ERBB4: variants seen among roughly 807,000 people sequenced by gnomAD.
The protein encoded by ERBB4 is erb-b2 receptor tyrosine kinase 4, also known as receptor tyrosine-protein kinase erbB-4.
A neutral mutation model predicts 158.0 loss-of-function variants in ERBB4; 42 were observed. The observed-to-expected ratio is 0.27, with a 90% CI of 0.21 to 0.34. The LOEUF is 0.34. Ranked by LOEUF, ERBB4 falls within the 10% of genes least tolerant of loss-of-function variation. ERBB4 has a pLI of 1.00. For synonymous variants in ERBB4, 583 were observed against 558.7 expected, an observed-to-expected ratio of 1.04 and a Z score of -0.61; for missense variants, 1,333 against 1,624.1, an observed-to-expected ratio of 0.82 and a Z score of 3.08.
At chr2:212,271,887 G>T (rs779813519) in intron 1 of ERBB4, among the ~76,000 whole-genome samples, 2 of 151,758 alleles carry the variant, frequency 1.3e-5, no homozygotes, top group African/African-American at 4.8e-5. Context: ...TGCTCTAGAC[G>T]TTTAGCAAAG....
At chr2:212,287,281 C>T (rs186662409) in intron 1 of ERBB4, among the ~76,000 whole-genome samples, 2 of 152,246 alleles carry the variant, frequency 1.3e-5, no homozygotes, top group Admixed American at 6.5e-5. Flanking sequence ...ACCGGCAACA[C>T]CAGCCCCAGC....
At chr2:212,299,418 C>T (rs10932431) in intron 1 of ERBB4, among the ~76,000 whole-genome samples, 112,012 of 151,508 alleles carry the variant, frequency 0.74, 45,703 homozygotes, top group Non-Finnish European at 0.9. Context: ...ATATGTAATA[C>T]GAAAAAGTAT....
intron 1 of ERBB4, among the ~76,000 whole-genome samples, chr2:212,376,370 G>T (rs2090321897): frequency 6.6e-6 from 1 of 152,036 alleles, no homozygotes. Context: ...AGTTTTTTGG[G>T]ATGCTCAAGG....
At chr2:212,494,647 C>T (rs1022765673) in intron 1 of ERBB4, among the ~76,000 whole-genome samples, 47 of 151,984 alleles carry the variant, frequency 3.1e-4, no homozygotes, top group African/African-American at 1.1e-3. Context: ...CAATGTGATT[C>T]ACTAATGTAC....
rs761564133 is a variant in ERBB4 at position 211,465,496 on chromosome 2, G to C, written c.2488-34396C>G. Among the ~76,000 whole-genome samples, 30 of 152,208 alleles carry C rather than the reference G, an allele frequency of 2.0e-4. 1 individual carries two copies. Among genetic ancestry groups the C allele is most frequent in the South Asian group, 1.0e-3 (5 of 4,824 alleles). On this transcript the variant is annotated intron_variant, in intron 20 of 27. Coordinates refer to ENST00000342788, the MANE Select transcript of ERBB4 (RefSeq NM_005235.3). ...CAGGAATTCTGAACATTGTATGAAA[G>C]AGAGAAGATAATAGGGGAAGGAGGA... is the stretch of plus-strand genomic sequence containing the variant.
At chr2:211,909,534 T>C (rs2079487402) in intron 3 of ERBB4, among the ~76,000 whole-genome samples, 1 of 151,830 alleles carries the variant, frequency 6.6e-6, no homozygotes, top group African/African-American at 2.4e-5. Context: ...CTTAATACTA[T>C]AAACAATTAT....
At chr2:211,392,600 A>ACACACACACACACACC (rs564067126) in intron 25 of ERBB4, among the ~76,000 whole-genome samples, 1 of 133,536 alleles carries the variant, frequency 7.5e-6, no homozygotes, top group Admixed American at 7.6e-5. Context: ...ACACACACAC[A>ACACACACACACACACC]CCCCAATAAT....
intron 3 of ERBB4, among the ~76,000 whole-genome samples, chr2:211,814,739 A>G (rs1309412109): frequency 2.0e-5 from 3 of 152,226 alleles, no homozygotes; most frequent in Non-Finnish European, 2.9e-5. Context: ...ATAGGCTTTG[A>G]GTCAGAAATT....
chr2:211,913,560 C>T (rs1575365915), intron 3 of ERBB4, among the ~76,000 whole-genome samples: 3 of 151,760 alleles, frequency 2.0e-5, no homozygotes. Flanking sequence ...AAGACCATGG[C>T]ACTGCACTCC....
chr2:211,905,647 C>CATATATATATATAT (rs56758130), intron 3 of ERBB4, among the ~76,000 whole-genome samples: 31 of 71,448 alleles, frequency 4.3e-4, no homozygotes, highest in Non-Finnish European at 5.3e-4. Context: ...TAGGAAGGAT[C>CATATATATATATAT]ATATATATAT....
chr2:212,014,997 CCT>C, intron 2 of ERBB4, among the ~76,000 whole-genome samples: 1 of 136,170 alleles, frequency 7.3e-6, no homozygotes, highest in Non-Finnish European at 1.6e-5. Context: ...ACAAGACCAT[CCT>C]GGCTAACACG....
At chr2:212,438,289 T>C (rs925973964) in intron 1 of ERBB4, among the ~76,000 whole-genome samples, 2 of 152,140 alleles carry the variant, frequency 1.3e-5, no homozygotes, top group Non-Finnish European at 1.5e-5. Context: ...AGTAAGTTAT[T>C]ATCCACTTTC....
At chr2:212,389,462 T>C (rs1180134619) in intron 1 of ERBB4, among the ~76,000 whole-genome samples, 1 of 152,052 alleles carries the variant, frequency 6.6e-6, no homozygotes, top group Non-Finnish European at 1.5e-5. Flanking sequence ...CCTTATTTTC[T>C]TGTTGTGCTT....
chr2:212,472,416 C>T (rs573332242), intron 1 of ERBB4, among the ~76,000 whole-genome samples: 5 of 151,722 alleles, frequency 3.3e-5, no homozygotes, highest in African/African-American at 7.2e-5. Context: ...TCCAGATGTA[C>T]GTGGCTCTTA....
chr2:212,275,044 T>A (rs1374055920), intron 1 of ERBB4, among the ~76,000 whole-genome samples: 1 of 151,942 alleles, frequency 6.6e-6, no homozygotes, highest in Non-Finnish European at 1.5e-5. Flanking sequence ...GTTCCCTTGT[T>A]AGTTTGCTGA....
chr2:211,875,564 A>ATGTTTAG (rs1286484561), intron 3 of ERBB4, among the ~76,000 whole-genome samples: 6 of 152,194 alleles, frequency 3.9e-5, no homozygotes, highest in Non-Finnish European at 8.8e-5. Flanking sequence ...GATCTGAAAA[A>ATGTTTAG]TGTTTAGTGT....
At chr2:212,516,102 A>G (rs1028233408) in intron 1 of ERBB4, among the ~76,000 whole-genome samples, 1 of 151,996 alleles carries the variant, frequency 6.6e-6, no homozygotes, top group Admixed American at 6.6e-5. Flanking sequence ...AATAGAAAGC[A>G]TATCATTTTG....
chr2:211,381,457 A>C lies in ERBB4; in HGVS notation c.*2158T>G. The C allele has an allele frequency of 4.3e-6, 1 of 232,052 alleles. No individual in the cohort carries two copies. The highest frequency in any genetic ancestry group is 6.1e-5 in the East Asian group (1 of 16,374). The allele number at this position is 232,052 out of a possible 1,614,324, so 14.4% of individuals were successfully genotyped here. Reference sequence around the variant, plus strand: ...CTTATATCCCAAATGAGTTTAAAGGAGATATCTTACAGTACAACTGATTAT... The same window carrying C: ...CTTATATCCCAAATGAGTTTAAAGGCGATATCTTACAGTACAACTGATTAT... On this transcript the variant is annotated 3_prime_UTR_variant, in exon 28 of 28. Coordinates refer to ENST00000342788, the MANE Select transcript of ERBB4 (RefSeq NM_005235.3).
chr2:211,684,446 A>G (rs1296491987), intron 12 of ERBB4, among the ~76,000 whole-genome samples: 1 of 152,100 alleles, frequency 6.6e-6, no homozygotes, highest in African/African-American at 2.4e-5. Context: ...AGTGAAACTC[A>G]ATCTCAAAAT....
Sources: gnomAD v4.1 joint callset for allele counts (sites outside exome capture counted in the v4.1 genomes callset) on GRCh38, gnomAD v4.1.1 for gene constraint, MANE v1.5 for transcripts, NCBI Gene and HGNC (gene_info 2026-07-23, HGNC 2026-07-21) for gene names.